CACNA1E: variants seen among roughly 807,000 people sequenced by gnomAD.
CACNA1E encodes the protein voltage-dependent R-type calcium channel subunit alpha-1E.
In CACNA1E, 40 loss-of-function variants were observed where a neutral mutation model predicts 259.2. The ratio of observed to expected loss-of-function variants is 0.15; its 90% CI spans 0.12 to 0.20. CACNA1E has a LOEUF of 0.20. Among genes scored for constraint, CACNA1E ranks in the 10% least tolerant of loss-of-function variants. The pLI is 1.00. For missense variants in CACNA1E, 1,874 were observed against 3,040.1 expected, an observed-to-expected ratio of 0.62 and a Z score of 9.02; for synonymous variants, 1,104 against 1,138.5, an observed-to-expected ratio of 0.97 and a Z score of 0.61.
chr1:181,532,091 A>C (rs1330510441), intron 3 of CACNA1E, among the ~76,000 whole-genome samples: 2 of 152,148 alleles, frequency 1.3e-5, no homozygotes, highest in African/African-American at 2.4e-5. Flanking sequence ...AAACTGGGTG[A>C]CATGGAGTGG....
intron 6 of CACNA1E, among the ~76,000 whole-genome samples, chr1:181,616,346 T>G (rs1655208151): frequency 1.8e-5 from 1 of 55,486 alleles, no homozygotes; most frequent in South Asian, 5.9e-4. Flanking sequence ...TTTTGTTTTG[T>G]TTTTTTTGTT....
At position 181,485,677 on chromosome 1, in the gene CACNA1E, T is replaced by C. The variant is rs947787148; in HGVS notation, c.266+1667T>C. On this transcript the variant is annotated intron_variant, in intron 1 of 47. Coordinates refer to ENST00000367573, the MANE Select transcript of CACNA1E (RefSeq NM_001205293.3). The surrounding 1 kb of genome is among the most constrained non-coding windows in gnomAD (Gnocchi z 4.2). ...CGCTGCACAAAGCGGACAGATCTCATTGTGTTGTGTGCTGCGGCTGCAAAT... is the reference window on the plus strand; with the variant it reads ...CGCTGCACAAAGCGGACAGATCTCACTGTGTTGTGTGCTGCGGCTGCAAAT... 6.6e-6 allele frequency among the ~76,000 whole-genome samples: 1 copy of C among 152,118 alleles called. No individual in the cohort carries two copies. Among genetic ancestry groups the C allele is most frequent in the African/African-American group, 2.4e-5 (1 of 41,432 alleles).
At chr1:181,529,823 T>C (rs1464441608) in intron 3 of CACNA1E, among the ~76,000 whole-genome samples, 5 of 152,206 alleles carry the variant, frequency 3.3e-5, no homozygotes, top group African/African-American at 1.2e-4. Flanking sequence ...GTAACTAGCT[T>C]GATTTTGATT....
intron 2 of CACNA1E, among the ~76,000 whole-genome samples, chr1:181,422,487 G>A (rs1658824541): frequency 6.6e-6 from 1 of 152,188 alleles, no homozygotes. Context: ...AGCCCCTGGG[G>A]TGTGGAGATT....
intron 6 of CACNA1E, among the ~76,000 whole-genome samples, chr1:181,626,944 C>T (rs1366287226): frequency 6.6e-6 from 1 of 152,112 alleles, no homozygotes; most frequent in Non-Finnish European, 1.5e-5. Flanking sequence ...CCATACTACA[C>T]AAATTTTCTT....
chr1:181,560,888 A>G (rs1367586252), intron 3 of CACNA1E, among the ~76,000 whole-genome samples: 1 of 152,242 alleles, frequency 6.6e-6, no homozygotes, highest in East Asian at 1.9e-4. Context: ...TGAACATACA[A>G]TGGAACAGTA....
chr1:181,488,128 G>A (rs1465523217), intron 1 of CACNA1E, among the ~76,000 whole-genome samples: 1 of 152,138 alleles, frequency 6.6e-6, no homozygotes, highest in Admixed American at 6.5e-5. Flanking sequence ...CGTTTATTTT[G>A]GAGGATTTTG....
intron 6 of CACNA1E, among the ~76,000 whole-genome samples, chr1:181,592,418 C>A (rs1652745859): frequency 6.7e-6 from 1 of 149,550 alleles, no homozygotes; most frequent in African/African-American, 2.5e-5. Context: ...GAGCTGCTGT[C>A]CGCAGGGACT....
intron 15 of CACNA1E, 112 bp from the exon 16 acceptor site, chr1:181,721,646 T>C (rs1050889016): frequency 3.6e-6 from 2 of 551,946 alleles, no homozygotes; most frequent in Non-Finnish European, 6.5e-6. Context: ...GGCAAGATTG[T>C]CAAGCAAGGG....
intron 2 of CACNA1E, among the ~76,000 whole-genome samples, chr1:181,440,720 C>T (rs958185915): frequency 2.6e-5 from 4 of 152,142 alleles, no homozygotes; most frequent in East Asian, 1.9e-4. Flanking sequence ...CTCAGCACTT[C>T]GGGAGGCTGC....
chr1:181,389,719 T>C (rs1196729474), intron 1 of CACNA1E, among the ~76,000 whole-genome samples: 1 of 152,242 alleles, frequency 6.6e-6, no homozygotes, highest in African/African-American at 2.4e-5. Context: ...AAGCCTCTCA[T>C]TTCCATCAGC....
chr1:181,325,864 G>A (rs1650738934), intron 1 of CACNA1E, among the ~76,000 whole-genome samples: 1 of 152,102 alleles, frequency 6.6e-6, no homozygotes, highest in African/African-American at 2.4e-5. Context: ...TCCTTCCTCT[G>A]GTGAGGCCGG....
chr1:181,495,678 C>T (rs965764205), intron 1 of CACNA1E, among the ~76,000 whole-genome samples: 20 of 152,198 alleles, frequency 1.3e-4, no homozygotes, highest in Non-Finnish European at 2.6e-4. Flanking sequence ...GTTTCATCAC[C>T]TCCCTGAGCC....
chr1:181,384,809 C>T (rs1655722438), intron 1 of CACNA1E, among the ~76,000 whole-genome samples: 1 of 152,110 alleles, frequency 6.6e-6, no homozygotes. Context: ...TTAATGGGTG[C>T]AGCACACCAG....
rs1232187812 is a variant in CACNA1E, at chr1:181,715,408, A to T, written c.1225+17A>T. 6.6e-7 allele frequency: 1 copy of T among 1,522,620 alleles called. No individual in the cohort carries two copies. Among genetic ancestry groups the T allele is most frequent in the East Asian group, 2.3e-5 (1 of 44,228 alleles). 94.3% of individuals were successfully genotyped at this position (1,522,620 alleles called of 1,614,324 possible). On this transcript the variant is annotated intron_variant, in intron 9 of 47. Coordinates refer to ENST00000367573, the MANE Select transcript of CACNA1E (RefSeq NM_001205293.3). ...CCTTAGAAGGTAAGGAAATGTTCTGATGCCTTATTCCAGTTGCATTTGCCC... is the reference window on the plus strand; with the variant it reads ...CCTTAGAAGGTAAGGAAATGTTCTGTTGCCTTATTCCAGTTGCATTTGCCC...
chr1:181,365,079 G>A (rs1040166365), intron 1 of CACNA1E, among the ~76,000 whole-genome samples: 1 of 152,242 alleles, frequency 6.6e-6, no homozygotes, highest in African/African-American at 2.4e-5. Flanking sequence ...GCTTTGGGAG[G>A]TAGTGCTGGT....
chr1:181,709,012 G>T (rs1221486299), intron 7 of CACNA1E, among the ~76,000 whole-genome samples: 1 of 152,178 alleles, frequency 6.6e-6, no homozygotes, highest in East Asian at 1.9e-4. Context: ...GTCCAGGCAG[G>T]GAAGGATGAG....
intron 3 of CACNA1E, among the ~76,000 whole-genome samples, chr1:181,564,671 CTG>C (rs1649644555): frequency 6.6e-6 from 1 of 152,222 alleles, no homozygotes; most frequent in African/African-American, 2.4e-5. Context: ...TTCCAATTGA[CTG>C]TGACCAGATC....
At chr1:181,707,805 A>G (rs1347762746) in intron 7 of CACNA1E, among the ~76,000 whole-genome samples, 26 of 152,180 alleles carry the variant, frequency 1.7e-4, no homozygotes, top group Admixed American at 9.8e-4. Context: ...TCTACTGAAC[A>G]TATACTATGT....
Sources: gnomAD v4.1 joint callset for allele counts (sites outside exome capture counted in the v4.1 genomes callset) on GRCh38, gnomAD v4.1.1 for gene constraint, Gnocchi (gnomAD v3.1) non-coding constraint, MANE v1.5 for transcripts, NCBI Gene and HGNC (gene_info 2026-07-23, HGNC 2026-07-21) for gene names.